Variants in SDK1 observed in about 807,000 individuals in gnomAD.
SDK1 encodes protein sidekick-1.
SDK1 carries 157 observed loss-of-function variants against 245.5 expected under a neutral mutation model. The observed-to-expected ratio is 0.64, with a 90% CI of 0.56 to 0.73. The LOEUF (loss-of-function observed/expected upper bound fraction) is 0.73, where lower values mean the gene tolerates loss of function less well. SDK1 is among the 30% of genes least tolerant of loss of function. The probability of loss-of-function intolerance (pLI) is 0.00; values close to 1 mark genes in which losing one functional copy is unlikely to be tolerated. For missense variants in SDK1, 3,583 were observed against 3,002.3 expected (o/e 1.19, Z -4.52); for synonymous variants, 1,647 against 1,278.5 (o/e 1.29, Z -6.15).
intron 4 of SDK1, among the ~76,000 whole-genome samples, chr7:3,768,358 C>T (rs1294502328): frequency 6.6e-6 from 1 of 152,204 alleles, no homozygotes; most frequent in African/African-American, 2.4e-5. Flanking sequence ...TGGATAAATA[C>T]AGCCGATTGA....
chr7:3,760,809 C>T (rs968436385), intron 4 of SDK1, among the ~76,000 whole-genome samples: 1 of 152,192 alleles, frequency 6.6e-6, no homozygotes, highest in African/African-American at 2.4e-5. Flanking sequence ...CGGCACGTAG[C>T]CATCTGGGTG....
At chr7:3,617,582 G>C (rs990212161) in intron 1 of SDK1, among the ~76,000 whole-genome samples, 1 of 152,224 alleles carries the variant, frequency 6.6e-6, no homozygotes, top group African/African-American at 2.4e-5. Flanking sequence ...CTTGGTTCTA[G>C]AGGCTGGACA....
intron 5 of SDK1, among the ~76,000 whole-genome samples, chr7:3,920,470 T>G (rs1200275249): frequency 6.6e-6 from 1 of 152,084 alleles, no homozygotes; most frequent in Admixed American, 6.5e-5. Context: ...GAGTAGCTTC[T>G]AAGACTGTGT....
chr7:3,752,064 T>C (rs1779790662), intron 4 of SDK1, among the ~76,000 whole-genome samples: 1 of 152,208 alleles, frequency 6.6e-6, no homozygotes, highest in Admixed American at 6.5e-5. Context: ...AACAAGCTTT[T>C]GGGAGAAAGT....
At chr7:3,767,889 G>A (rs1210002991) in intron 4 of SDK1, among the ~76,000 whole-genome samples, 1 of 152,218 alleles carries the variant, frequency 6.6e-6, no homozygotes, top group African/African-American at 2.4e-5. Context: ...GTCTCCCAAA[G>A]CAAGGAGAGA....
At chr7:4,005,039 C>CTTTTTTTTTT (rs1162979240) in intron 14 of SDK1, among the ~76,000 whole-genome samples, 10 of 91,000 alleles carry the variant, frequency 1.1e-4, no homozygotes, top group African/African-American at 4.1e-4. Context: ...GTTCCTGCAC[C>CTTTTTTTTTT]TTTTTTTTTT....
chr7:3,707,762 ATTC>A (rs1170452834), intron 4 of SDK1, among the ~76,000 whole-genome samples: 1 of 152,092 alleles, frequency 6.6e-6, no homozygotes, highest in Non-Finnish European at 1.5e-5. Flanking sequence ...TAGGATTGTA[ATTC>A]TTCTTGTTGG....
intron 1 of SDK1, among the ~76,000 whole-genome samples, chr7:3,462,882 T>A (rs559317277): frequency 1.2e-4 from 19 of 152,308 alleles, no homozygotes; most frequent in African/African-American, 4.6e-4. Flanking sequence ...AGAAGTGATA[T>A]CATGTTACCC....
At chr7:3,331,377 T>C (rs1425417620) in intron 1 of SDK1, among the ~76,000 whole-genome samples, 1 of 152,206 alleles carries the variant, frequency 6.6e-6, no homozygotes, top group Non-Finnish European at 1.5e-5. Flanking sequence ...GGTTTTTACT[T>C]GTACTTCCTC....
intron 1 of SDK1, among the ~76,000 whole-genome samples, chr7:3,480,636 G>C (rs1781491030): frequency 6.6e-6 from 1 of 152,194 alleles, no homozygotes; most frequent in Non-Finnish European, 1.5e-5. Context: ...AGCTTCTCTT[G>C]TCTCAGCCTG....
At chr7:4,004,483 T>C (rs1437524691) in intron 14 of SDK1, among the ~76,000 whole-genome samples, 1 of 152,220 alleles carries the variant, frequency 6.6e-6, no homozygotes, top group Non-Finnish European at 1.5e-5. Flanking sequence ...TCAACCAAAT[T>C]ACATTTTTCA....
At position 4,149,291 on chromosome 7, in the gene SDK1, G is replaced by A. The variant is rs1407632922; in HGVS notation, c.4453G>A (p.Val1485Met). Reference sequence around the variant, plus strand: ...GCCGGCACCCCCCAGAGAGCTCCTGGTGCCCCAGGCAGAAGTGACCGCACG... The same window carrying A: ...GCCGGCACCCCCCAGAGAGCTCCTGATGCCCCAGGCAGAAGTGACCGCACG... ...ERPAPPRELL[V>M]PQAEVTARSL... Residue 1485 changes from valine (V) to methionine (M), a missense_variant, in exon 30 of 45, where the codon GTG (valine) becomes ATG (methionine). By Grantham distance (21) the Val-to-Met change is conservative. Coordinates refer to ENST00000404826, the MANE Select transcript of SDK1 (RefSeq NM_152744.4). The A allele has an allele frequency of 1.9e-6, 3 of 1,557,844 alleles. No individual in the cohort carries two copies. In the South Asian group the frequency reaches 3.6e-5, roughly 19 times the overall value.
intron 1 of SDK1, among the ~76,000 whole-genome samples, chr7:3,457,619 G>A (rs1020876052): frequency 6.6e-6 from 1 of 152,144 alleles, no homozygotes; most frequent in Non-Finnish European, 1.5e-5. Context: ...TCTCTAAACT[G>A]TATGAATTTC....
intron 1 of SDK1, among the ~76,000 whole-genome samples, chr7:3,303,013 T>C (rs1046198847): frequency 6.6e-6 from 1 of 152,118 alleles, no homozygotes; most frequent in Admixed American, 6.5e-5. Flanking sequence ...AACGAACTCA[T>C]ACTTTTTTTT....
intron 4 of SDK1, chr7:3,643,545 C>G (rs1162721536): frequency 6.6e-6 from 1 of 150,612 alleles, no homozygotes; most frequent in Admixed American, 6.6e-5. Flanking sequence ...GTCTCCACCC[C>G]CACCTGAGCA....
chr7:3,542,543 G>A (rs934559337), intron 1 of SDK1, among the ~76,000 whole-genome samples: 6 of 152,182 alleles, frequency 3.9e-5, no homozygotes, highest in African/African-American at 1.4e-4. Flanking sequence ...GCCTATGGTA[G>A]GTTAGCATTT....
chr7:3,749,133 T>C (rs1360798505), intron 4 of SDK1, among the ~76,000 whole-genome samples: 1 of 152,122 alleles, frequency 6.6e-6, no homozygotes, highest in Non-Finnish European at 1.5e-5. Context: ...AAGGAGAACA[T>C]CACCTCTTTT....
intron 4 of SDK1, among the ~76,000 whole-genome samples, chr7:3,722,706 C>T (rs959429738): frequency 2.0e-5 from 3 of 152,216 alleles, no homozygotes; most frequent in African/African-American, 7.2e-5. Context: ...AGGCTGAACT[C>T]AAGTGCCCCA....
intron 5 of SDK1, among the ~76,000 whole-genome samples, chr7:3,921,980 A>G (rs1174088253): frequency 6.6e-6 from 1 of 152,020 alleles, no homozygotes; most frequent in South Asian, 2.1e-4. Context: ...ATAAGTAAAT[A>G]AGCAATGAAG....
Sources: allele counts gnomAD v4.1 joint callset (sites outside exome capture counted in the v4.1 genomes callset), GRCh38; gene constraint gnomAD v4.1.1; transcripts MANE v1.5; gene names NCBI Gene and HGNC (gene_info 2026-07-23, HGNC 2026-07-21).